TMEM108: variants seen among roughly 807,000 people sequenced by gnomAD.
TMEM108 encodes the protein transmembrane protein 108.
A neutral mutation model predicts 35.1 loss-of-function variants in TMEM108; 12 were observed. The ratio of observed to expected loss-of-function variants is 0.34; its 90% CI spans 0.22 to 0.55. TMEM108 has a LOEUF of 0.55. Ranked by LOEUF, TMEM108 falls within the 20% of genes least tolerant of loss-of-function variation. The pLI, the probability that TMEM108 is intolerant of heterozygous loss-of-function variation, is 0.89. For missense variants in TMEM108, 680 were observed against 753.3 expected, an observed-to-expected ratio of 0.90 and a Z score of 1.14; for synonymous variants, 287 against 308.6, an observed-to-expected ratio of 0.93 and a Z score of 0.73.
chr3:133,147,298 A>G (rs183033118), intron 2 of TMEM108, among the ~76,000 whole-genome samples: 1 of 152,170 alleles, frequency 6.6e-6, no homozygotes, highest in East Asian at 1.9e-4. Flanking sequence ...CCTGAGTTCT[A>G]ATTTGATTCC....
Position 133,319,435 on chromosome 3 carries a change from T to C in TMEM108, c.41-60317T>C, listed in dbSNP as rs568870442. Among the ~76,000 whole-genome samples, 20 of 152,268 alleles carry C rather than the reference T, an allele frequency of 1.3e-4. No homozygotes were observed. The South Asian group carries it at 2.9e-3, about 22-fold the overall frequency. ...CTGTAGGCCAACCAACTCAGGACAT[T>C]ACGGAAACTCATGACAGAACAACCC... On this transcript the variant is annotated intron_variant, in intron 3 of 5. Coordinates refer to ENST00000321871, the MANE Select transcript of TMEM108 (RefSeq NM_023943.4).
At chr3:133,280,010 A>G (rs1946890710) in intron 3 of TMEM108, among the ~76,000 whole-genome samples, 1 of 152,184 alleles carries the variant, frequency 6.6e-6, no homozygotes, top group African/African-American at 2.4e-5. Context: ...AGATGTGGGC[A>G]CATTTTAATA....
intron 3 of TMEM108, among the ~76,000 whole-genome samples, chr3:133,348,080 A>G (rs1015887113): frequency 6.6e-6 from 1 of 151,966 alleles, no homozygotes; most frequent in Non-Finnish European, 1.5e-5. Context: ...AAACAGAAAC[A>G]AGTAGTAAAG....
chr3:133,061,359 C>A (rs1291558510), intron 2 of TMEM108, among the ~76,000 whole-genome samples: 1 of 151,974 alleles, frequency 6.6e-6, no homozygotes, highest in African/African-American at 2.4e-5. Context: ...TACAGGCGCC[C>A]GCCACCACAC....
chr3:133,138,831 G>C (rs976380596), intron 2 of TMEM108, among the ~76,000 whole-genome samples: 7 of 151,648 alleles, frequency 4.6e-5, no homozygotes, highest in African/African-American at 1.7e-4. Context: ...TGTTACATAG[G>C]TATACACATG....
intron 2 of TMEM108, among the ~76,000 whole-genome samples, chr3:133,140,969 G>A (rs756431250): frequency 1.6e-4 from 24 of 152,294 alleles, no homozygotes; most frequent in Non-Finnish European, 3.1e-4. Flanking sequence ...AAATGGCTGT[G>A]CATGCCACAG....
At chr3:133,066,122 T>C (rs1305947416) in intron 2 of TMEM108, among the ~76,000 whole-genome samples, 1 of 152,108 alleles carries the variant, frequency 6.6e-6, no homozygotes. Flanking sequence ...TTCCCATTGG[T>C]CTAAGTAATT....
intron 2 of TMEM108, among the ~76,000 whole-genome samples, chr3:133,215,795 C>T (rs116792338): frequency 0.015 from 2,245 of 152,088 alleles, 73 homozygotes; most frequent in African/African-American, 0.05. Context: ...TGCTTTTTTA[C>T]ATTTAAATAT....
At chr3:133,270,052 C>T (rs1200759908) in intron 3 of TMEM108, among the ~76,000 whole-genome samples, 1 of 152,120 alleles carries the variant, frequency 6.6e-6, no homozygotes, top group Non-Finnish European at 1.5e-5. Flanking sequence ...ATTATCTCAG[C>T]TTAATAGGCA....
chr3:133,050,557 G>A (rs1943392018), intron 2 of TMEM108, among the ~76,000 whole-genome samples: 1 of 152,002 alleles, frequency 6.6e-6, no homozygotes, highest in South Asian at 2.1e-4. Flanking sequence ...TATTCTTGGT[G>A]TTGTACATTC....
At chr3:133,235,646 G>C (rs192529968) in intron 3 of TMEM108, among the ~76,000 whole-genome samples, 20 of 152,232 alleles carry the variant, frequency 1.3e-4, no homozygotes, top group Admixed American at 3.9e-4. Flanking sequence ...CTACATAAAT[G>C]CCAGCTTTCT....
At chr3:133,317,685 AG>A (rs773823650) in intron 3 of TMEM108, among the ~76,000 whole-genome samples, 16 of 152,190 alleles carry the variant, frequency 1.1e-4, no homozygotes, top group Admixed American at 2.0e-4. Context: ...AAGAACCAAA[AG>A]GGTCTATTTT....
chr3:133,339,561 CAA>C (rs946986928), intron 3 of TMEM108, among the ~76,000 whole-genome samples: 7 of 151,888 alleles, frequency 4.6e-5, no homozygotes, highest in Admixed American at 3.3e-4. Flanking sequence ...AGAAAATCAA[CAA>C]AGAGACATCA....
chr3:133,395,779 A>G, intron 5 of TMEM108, 85 bp from the exon 6 acceptor site: 2 of 1,350,998 alleles, frequency 1.5e-6, no homozygotes, highest in Non-Finnish European at 9.7e-7. Flanking sequence ...GCTGAAATAA[A>G]TGTTCCCATG....
At chr3:133,156,928 G>C (rs1296341586) in intron 2 of TMEM108, among the ~76,000 whole-genome samples, 1 of 152,162 alleles carries the variant, frequency 6.6e-6, no homozygotes, top group Non-Finnish European at 1.5e-5. Flanking sequence ...GGGGTCCCTT[G>C]AGTGCCTATG....
chr3:133,045,691 G>A (rs986367808), intron 1 of TMEM108, among the ~76,000 whole-genome samples: 2 of 152,190 alleles, frequency 1.3e-5, no homozygotes, highest in Non-Finnish European at 2.9e-5. Flanking sequence ...TTTTGTCAGC[G>A]TGGGTACCTG....
chr3:133,275,866 G>A (rs1422931407), intron 3 of TMEM108, among the ~76,000 whole-genome samples: 1 of 152,144 alleles, frequency 6.6e-6, no homozygotes, highest in Admixed American at 6.6e-5. Flanking sequence ...GCAGATAAAG[G>A]ATTGTGAGTC....
At chr3:133,229,138 C>A in intron 2 of TMEM108, 128 bp from the exon 3 acceptor site, 1 of 585,370 alleles carries the variant, frequency 1.7e-6, no homozygotes, top group African/African-American at 1.9e-5. Context: ...GTGTATTTAT[C>A]CCAAGATTTT....
rs1944755222 is a variant in TMEM108, at chr3:133,148,634, C to T, written c.-46-80632C>T. Among the ~76,000 whole-genome samples the T allele has an allele frequency of 2.6e-5, 4 of 152,150 alleles. No individual in the cohort carries two copies. The South Asian group carries it at 6.2e-4, about 24-fold the overall frequency. On this transcript the variant is annotated intron_variant, in intron 2 of 5. Coordinates refer to ENST00000321871, the MANE Select transcript of TMEM108 (RefSeq NM_023943.4). ...CTTCATCATGATACTTCTTAAATTA[C>T]GTTCTTGATAGCAGTCATTCAAGAG...
Sources: allele counts gnomAD v4.1 joint callset (sites outside exome capture counted in the v4.1 genomes callset), GRCh38; gene constraint gnomAD v4.1.1; transcripts MANE v1.5; gene names NCBI Gene and HGNC (gene_info 2026-07-23, HGNC 2026-07-21).